Variants in UGP2 observed in about 807,000 individuals in gnomAD.
The protein encoded by UGP2 is UTP--glucose-1-phosphate uridylyltransferase.
UGP2 carries 40 observed loss-of-function variants against 49.0 expected under a neutral mutation model. That is an observed-to-expected ratio of 0.82 (90% CI 0.63 to 1.06). The LOEUF (loss-of-function observed/expected upper bound fraction) is 1.06. Ranked by LOEUF, UGP2 falls within the 50% of genes least tolerant of loss-of-function variation. The probability of loss-of-function intolerance (pLI) is 0.00; values close to 1 mark genes in which losing one functional copy is unlikely to be tolerated. For synonymous variants in UGP2, 225 were observed against 213.0 expected (o/e 1.06, Z -0.49); for missense variants, 460 against 603.5 (o/e 0.76, Z 2.49).
chr2:63,853,188 A>G (rs1669154004), intron 1 of UGP2, among the ~76,000 whole-genome samples: 1 of 152,170 alleles, frequency 6.6e-6, no homozygotes, highest in Non-Finnish European at 1.5e-5. Context: ...CACTTGAGTA[A>G]TGGAACCCCA....
intron 3 of UGP2, among the ~76,000 whole-genome samples, chr2:63,861,693 A>AC (rs1669859347): frequency 6.6e-6 from 1 of 151,370 alleles, no homozygotes; most frequent in Admixed American, 6.6e-5. Flanking sequence ...GTCTCAAAAA[A>AC]AAAAAAAAAA....
intron 1 of UGP2, among the ~76,000 whole-genome samples, chr2:63,843,589 A>G (rs1053289726): frequency 3.3e-5 from 5 of 152,250 alleles, no homozygotes; most frequent in East Asian, 1.9e-4. Flanking sequence ...ATTGGCAAGC[A>G]TTGACTGATT....
intron 3 of UGP2, among the ~76,000 whole-genome samples, chr2:63,866,450 C>T (rs1239078961): frequency 6.6e-6 from 1 of 152,124 alleles, no homozygotes; most frequent in Non-Finnish European, 1.5e-5. Flanking sequence ...CTCAGTGTAG[C>T]AGGAGAAGGA....
At chr2:63,884,152 CTTGT>C (rs1671503469) in intron 5 of UGP2, 59 bp downstream of exon 5, 3 of 1,592,152 alleles carry the variant, frequency 1.9e-6, no homozygotes, top group Non-Finnish European at 2.6e-6. Context: ...ACTTCTTTAT[CTTGT>C]TTATAACAGA....
chr2:63,856,065 G>A (rs73937430), intron 1 of UGP2: 5,529 of 379,304 alleles, frequency 0.015, 287 homozygotes, highest in African/African-American at 0.11. Flanking sequence ...TCGATACAGG[G>A]AAGTAGAGGC....
chr2:63,866,379 TTAAC>T (rs1279747488), intron 3 of UGP2, among the ~76,000 whole-genome samples: 20 of 152,234 alleles, frequency 1.3e-4, no homozygotes, highest in African/African-American at 3.6e-4. Flanking sequence ...ATTTTTAAAA[TTAAC>T]TGACTACTTG....
At chr2:63,866,084 C>G (rs1296057846) in intron 3 of UGP2, among the ~76,000 whole-genome samples, 1 of 151,996 alleles carries the variant, frequency 6.6e-6, no homozygotes, top group Non-Finnish European at 1.5e-5. Context: ...GGTGTGACAA[C>G]TAAGAAAGAC....
chr2:63,887,673 A>G lies in UGP2; in HGVS notation c.1314+29A>G, dbSNP rs1485495095. On this transcript the variant is annotated intron_variant, in intron 8 of 9. Transcript: ENST00000337130. ...CGTAACTATAAAGATATGTGAGTTC[A>G]TATTTCTTAAATGTGTAATTATAAA... 13 of 1,607,768 alleles carry G rather than the reference A, an allele frequency of 8.1e-6. No homozygotes were observed. The East Asian group carries it at 2.2e-4, about 28-fold the overall frequency.
chr2:63,856,822 A>G (rs1425137874), intron 2 of UGP2: 1 of 458,866 alleles, frequency 2.2e-6, no homozygotes, highest in East Asian at 6.9e-5. Flanking sequence ...CTACTTTGAC[A>G]ATTGTCATAG....
intron 3 of UGP2, among the ~76,000 whole-genome samples, chr2:63,880,449 C>T (rs948800391): frequency 5.3e-5 from 8 of 152,056 alleles, no homozygotes; most frequent in Non-Finnish European, 1.2e-4. Flanking sequence ...TGTGAGCCAC[C>T]GCATCCAGCC....
intron 3 of UGP2, among the ~76,000 whole-genome samples, chr2:63,872,536 C>A (rs888309773): frequency 6.6e-6 from 1 of 152,080 alleles, no homozygotes; most frequent in Non-Finnish European, 1.5e-5. Flanking sequence ...AATAATTTGC[C>A]ATAGTAAGTG....
intron 3 of UGP2, among the ~76,000 whole-genome samples, chr2:63,873,715 G>C (rs1005606743): frequency 3.3e-5 from 5 of 152,088 alleles, no homozygotes; most frequent in African/African-American, 4.8e-5. Context: ...GCGTGTTAGG[G>C]GGAGTAGAAG....
chr2:63,869,762 AT>A (rs368417610), intron 3 of UGP2, among the ~76,000 whole-genome samples: 2 of 152,266 alleles, frequency 1.3e-5, no homozygotes, highest in African/African-American at 4.8e-5. Flanking sequence ...TGGTGCCAAG[AT>A]TTCTAACTAG....
At chr2:63,845,034 G>A (rs571428959) in intron 1 of UGP2, among the ~76,000 whole-genome samples, 32 of 152,290 alleles carry the variant, frequency 2.1e-4, no homozygotes, top group African/African-American at 7.2e-4. Context: ...GTAAGTGGAC[G>A]ATACTCTAAA....
intron 3 of UGP2, among the ~76,000 whole-genome samples, chr2:63,862,277 C>G (rs1669900769): frequency 6.6e-6 from 1 of 151,936 alleles, no homozygotes; most frequent in South Asian, 2.1e-4. Context: ...GGCTGAATAC[C>G]AAAGAGTCTC....
At chr2:63,852,340 CAGGAAT>C (rs1669097918) in intron 1 of UGP2, among the ~76,000 whole-genome samples, 1 of 152,234 alleles carries the variant, frequency 6.6e-6, no homozygotes, top group African/African-American at 2.4e-5. Context: ...GGAGCTTACC[CAGGAAT>C]CTGTGTTTTA....
intron 1 of UGP2, among the ~76,000 whole-genome samples, chr2:63,849,426 A>T (rs546113076): frequency 4.6e-5 from 7 of 152,352 alleles, no homozygotes; most frequent in South Asian, 2.1e-4. Context: ...AAGAAAACAG[A>T]ACAACATAGT....
intron 2 of UGP2, among the ~76,000 whole-genome samples, chr2:63,857,166 T>TG (rs1669498303): frequency 6.6e-6 from 1 of 151,692 alleles, no homozygotes. Flanking sequence ...CCAGGCATGG[T>TG]GGTATGCGCC....
upstream of UGP2, chr2:63,841,879 G>C (rs1331133680): frequency 3.1e-6 from 1 of 325,340 alleles, no homozygotes; most frequent in East Asian, 4.9e-5. Flanking sequence ...TTAAGTTCGT[G>C]TGGTTTTACC....
Sources: gnomAD v4.1 joint callset for allele counts (sites outside exome capture counted in the v4.1 genomes callset) on GRCh38, gnomAD v4.1.1 for gene constraint, MANE v1.5 for transcripts, NCBI Gene and HGNC (gene_info 2026-07-23, HGNC 2026-07-21) for gene names.